IPO13: variants seen among roughly 807,000 people sequenced by gnomAD.
The protein encoded by IPO13 is importin 13.
Under a neutral mutation model 115.5 loss-of-function variants are expected in IPO13, and 28 were observed. The ratio of observed to expected loss-of-function variants is 0.24; its 90% CI spans 0.18 to 0.33. The LOEUF (loss-of-function observed/expected upper bound fraction) is 0.33, where lower values mean the gene tolerates loss of function less well. Among genes scored for constraint, IPO13 ranks in the 10% least tolerant of loss-of-function variants. The probability of loss-of-function intolerance (pLI) is 1.00; values close to 1 mark genes in which losing one functional copy is unlikely to be tolerated. For synonymous variants in IPO13, 414 were observed against 478.9 expected, an observed-to-expected ratio of 0.86 and a Z score of 1.77; for missense variants, 785 against 1,204.6, an observed-to-expected ratio of 0.65 and a Z score of 5.16.
chr1:43,967,165 T>G lies in IPO13; in HGVS notation c.2613+146T>G, dbSNP rs2085331457. The G allele has an allele frequency of 5.5e-6, 6 of 1,094,254 alleles. No homozygotes were observed. Among genetic ancestry groups the G allele is most frequent in the Non-Finnish European group, 6.9e-6 (5 of 729,326 alleles). The allele number at this position is 1,094,254 out of a possible 1,614,324, so 67.8% of individuals were successfully genotyped here. The stretch of plus-strand genomic sequence containing the variant: ...TTAAATGCCTGAAAGTTGTTAGGAT[T>G]GCTGTGGGGATCAGCTGGCTCTCAA... On this transcript the variant is annotated intron_variant, in intron 18 of 19. Transcript: ENST00000372343. This position sits in a 1 kb window ranked among gnomAD's most constrained non-coding sequence, Gnocchi z 6.1.
chr1:43,967,844 AC>A lies in IPO13; in HGVS notation c.*165del. The A allele has an allele frequency of 2.9e-6, 2 of 682,808 alleles. No homozygotes were observed. Among genetic ancestry groups the A allele is most frequent in the Non-Finnish European group, 2.5e-6 (1 of 393,870 alleles). 42.3% of individuals were successfully genotyped at this position (682,808 alleles called of 1,614,324 possible). A position where few individuals can be genotyped will look rare whatever the true frequency, so the allele number is the denominator to read the frequency against. On this transcript the variant is annotated 3_prime_UTR_variant, in exon 20 of 20. Transcript: ENST00000372343. The surrounding 1 kb of genome is among the most constrained non-coding windows in gnomAD (Gnocchi z 6.1). ...GGGGGAAGGATGGGAGGATGCTTGG[AC>A]CCAGGCCTTGGGAGGGAATGGTGGG...
rs2085251952 is a variant in IPO13, at chr1:43,956,698, G to A, written c.1101G>A (p.Leu367=). 1.2e-6 allele frequency: 2 copies of A among 1,614,110 alleles called. No homozygotes were observed. The highest frequency in any genetic ancestry group is 1.7e-6 in the Non-Finnish European group (2 of 1,180,032). ...SSLTLTFWYT[L]QDDILSFEAE... The stretch of plus-strand genomic sequence containing the variant: ...TAACCCTCACCTTCTGGTACACACT[G>A]CAGGTGTGTCTGTGTGACCTCCAGT... The change falls in exon 4 of 20, where the codon CTG becomes CTA. Residue 367 remains leucine (L), a synonymous_variant. Transcript: ENST00000372343. This position sits in a 1 kb window ranked among gnomAD's most constrained non-coding sequence, Gnocchi z 4.7.
chr1:43,948,245 G>A (rs1405743824), intron 1 of IPO13, among the ~76,000 whole-genome samples: 1 of 151,842 alleles, frequency 6.6e-6, no homozygotes, highest in South Asian at 2.1e-4. Flanking sequence ...GGCCCTGCTG[G>A]GAGCCTTACA....
intron 7 of IPO13, 110 bp downstream of exon 7, chr1:43,957,659 C>A: frequency 1.5e-6 from 2 of 1,335,578 alleles, no homozygotes; most frequent in Non-Finnish European, 2.1e-6. Context: ...CATGCCTACA[C>A]ACAATCAGTG....
Position 43,964,295 on chromosome 1 carries a change from G to C in IPO13, c.2371G>C (p.Asp791His). The C allele has an allele frequency of 6.2e-7, 1 of 1,610,632 alleles. No individual in the cohort carries two copies. Among genetic ancestry groups the C allele is most frequent in the East Asian group, 2.2e-5 (1 of 44,852 alleles). Residue 791 changes from aspartate (D) to histidine (H), a missense_variant, in exon 15 of 20, where the codon GAT becomes CAT. By Grantham distance (81) the Asp-to-His change is moderately conservative. Around this residue, in one of 3 missense-constraint regions of IPO13, gnomAD observed 285 missense variants for 394.8 expected, o/e 0.72. Coordinates refer to ENST00000372343, the MANE Select transcript of IPO13 (RefSeq NM_014652.4). ...GCCCAGGGATCATCCTGATATTGTT[G>C]ATTCATTTATGCAACTCCTGGCACA... ...QGPRDHPDIVDSFMQLLAQAL... is the reference protein window; with the variant it reads ...QGPRDHPDIVHSFMQLLAQAL...
At position 43,963,474 on chromosome 1, in the gene IPO13, C is replaced by T. The variant is rs920825368; in HGVS notation, c.2345-795C>T. Among the ~76,000 whole-genome samples, 2 of 152,208 alleles carry T rather than the reference C, an allele frequency of 1.3e-5. 1 individual carries two copies. The highest frequency in any genetic ancestry group is 4.8e-5 in the African/African-American group (2 of 41,450). On this transcript the variant is annotated intron_variant, in intron 14 of 19. Transcript: ENST00000372343. ...CATAGGATGACATGTTTCTTGTTTC[C>T]CTGTTTCTTGGCATGTCCAGATGAT...
Position 43,958,388 on chromosome 1 carries a change from C to G in IPO13, c.1750-73C>G, listed in dbSNP as rs985778067. 5.0e-5 allele frequency: 81 copies of G among 1,610,200 alleles called. No homozygotes were observed. The Admixed American group carries it at 1.3e-3, about 26-fold the overall frequency. ...CCCTTATTCTCTGTTTTTCTTCTCCCAAGAGGCTCATTTTCCTTCCTACCC... is the reference window on the plus strand; with the variant it reads ...CCCTTATTCTCTGTTTTTCTTCTCCGAAGAGGCTCATTTTCCTTCCTACCC... On this transcript the variant is annotated intron_variant, in intron 9 of 19. Coordinates refer to ENST00000372343, the MANE Select transcript of IPO13 (RefSeq NM_014652.4). This position sits in a 1 kb window ranked among gnomAD's most constrained non-coding sequence, Gnocchi z 6.3.
chr1:43,955,391 G>A (rs944735579), intron 2 of IPO13, among the ~76,000 whole-genome samples: 1 of 152,174 alleles, frequency 6.6e-6, no homozygotes, highest in Non-Finnish European at 1.5e-5. Context: ...CACAAACTAG[G>A]TGGCTTTAAA....
rs1452140122 is a variant in IPO13 at position 43,947,471 on chromosome 1, C to T, written c.-130C>T. 4.2e-6 allele frequency: 2 copies of T among 472,648 alleles called. No homozygotes were observed. Among genetic ancestry groups the T allele is most frequent in the Non-Finnish European group, 6.8e-6 (2 of 292,142 alleles). 29.3% of individuals were successfully genotyped at this position (472,648 alleles called of 1,614,324 possible). A position where few individuals can be genotyped will look rare whatever the true frequency, so the allele number is the denominator to read the frequency against. ...GGTGGGGAGGCCTCGGCAGCCATGC[C>T]CGCCCTGGGCCCCCCCTCACCCCAC... On this transcript the variant is annotated 5_prime_UTR_variant, in exon 1 of 20. Coordinates refer to ENST00000372343, the MANE Select transcript of IPO13 (RefSeq NM_014652.4).
rs16831490 is a variant in IPO13, at chr1:43,958,259, G to A, written c.1740G>A (p.Gln580=). The A allele has an allele frequency of 7.9e-4, 1,273 of 1,614,184 alleles. 19 individuals are homozygous for A. In the African/African-American group the frequency reaches 0.016, roughly 20 times the overall value. The change falls in exon 9 of 20, where the codon CAG becomes CAA. Residue 580 remains glutamine, a synonymous_variant. Transcript: ENST00000372343. This position sits in a 1 kb window ranked among gnomAD's most constrained non-coding sequence, Gnocchi z 6.3. Reference sequence around the variant, plus strand: ...CCCCTCAGGATGTGCTGATGAAACAGATCCACAAGGTGCGGCTCAAAAGTT... The same window carrying A: ...CCCCTCAGGATGTGCTGATGAAACAAATCCACAAGGTGCGGCTCAAAAGTT... ...VAVSQDVLMK[Q]IHKTSQCMWL...
intron 14 of IPO13, among the ~76,000 whole-genome samples, chr1:43,962,662 C>T (rs756762967): frequency 3.9e-5 from 6 of 152,342 alleles, no homozygotes; most frequent in Middle Eastern, 3.4e-3. Context: ...ATGCCCTTTA[C>T]TGGGTGAACT....
At chr1:43,948,680 G>T (rs1422948759) in intron 1 of IPO13, among the ~76,000 whole-genome samples, 1 of 152,246 alleles carries the variant, frequency 6.6e-6, no homozygotes, top group Non-Finnish European at 1.5e-5. Flanking sequence ...GTGGCGCACT[G>T]TTCCATGTGC....
chr1:43,950,889 A>G (rs2085204551), intron 2 of IPO13, among the ~76,000 whole-genome samples: 1 of 152,196 alleles, frequency 6.6e-6, no homozygotes, highest in Admixed American at 6.5e-5. Flanking sequence ...CAGAGCTCCC[A>G]GTATTTTTCC....
chr1:43,947,537 G>A lies in IPO13; in HGVS notation c.-64G>A. The A allele has an allele frequency of 2.0e-6, 2 of 984,544 alleles. No homozygotes were observed. The highest frequency in any genetic ancestry group is 2.7e-6 in the Non-Finnish European group (2 of 751,624). 61.0% of individuals were successfully genotyped at this position (984,544 alleles called of 1,614,324 possible). A position where few individuals can be genotyped will look rare whatever the true frequency, so the allele number is the denominator to read the frequency against. ...CAAGCCGGGGTCTAGCAGGGGGCCA[G>A]CAGCCAAGGGGCTGGGGCAGGAGAC... On this transcript the variant is annotated 5_prime_UTR_variant, in exon 1 of 20. Transcript: ENST00000372343.
Position 43,967,372 on chromosome 1 carries a change from G to T in IPO13, c.2671G>T (p.Ala891Ser), listed in dbSNP as rs772498559. 45 of 1,614,102 alleles carry T rather than the reference G, an allele frequency of 2.8e-5. No homozygotes were observed. The highest frequency in any genetic ancestry group is 1.1e-4 in the East Asian group (5 of 44,878). The change falls in exon 19 of 20, where the codon GCC becomes TCC. Residue 891 changes from alanine to serine, a missense_variant. Coordinates refer to ENST00000372343, the MANE Select transcript of IPO13 (RefSeq NM_014652.4). The surrounding 1 kb of genome is among the most constrained non-coding windows in gnomAD (Gnocchi z 6.1). The stretch of plus-strand genomic sequence containing the variant: ...GGACTGCTTTGCCGATATCCTGTTC[G>T]CCCTGAACAAGCACTGCTTCAGCCT... Reference protein sequence around the residue: ...LMDCFADILFALNKHCFSLLS... With the variant: ...LMDCFADILFSLNKHCFSLLS...
intron 2 of IPO13, among the ~76,000 whole-genome samples, chr1:43,955,605 C>G (rs1254707244): frequency 6.6e-6 from 1 of 152,164 alleles, no homozygotes; most frequent in Non-Finnish European, 1.5e-5. Context: ...GTGGCATTCT[C>G]CCTGTATGTC....
chr1:43,966,522 G>C lies in IPO13; in HGVS notation c.2398-53G>C, dbSNP rs757794928. 3 of 1,577,032 alleles carry C rather than the reference G, an allele frequency of 1.9e-6. No individual in the cohort carries two copies. Among genetic ancestry groups the C allele is most frequent in the African/African-American group, 1.4e-5 (1 of 74,038 alleles). ...GGCTGGGGTGGCAGGTGAGTGGGGG[G>C]GATGGTCCTTGGAGCTGGCTGGGGC... On this transcript the variant is annotated intron_variant, in intron 15 of 19. Coordinates refer to ENST00000372343, the MANE Select transcript of IPO13 (RefSeq NM_014652.4). This position sits in a 1 kb window ranked among gnomAD's most constrained non-coding sequence, Gnocchi z 4.1.
chr1:43,967,050 G>A lies in IPO13; in HGVS notation c.2613+31G>A, dbSNP rs1373110723. On this transcript the variant is annotated intron_variant, in intron 18 of 19. Transcript: ENST00000372343. The surrounding 1 kb of genome is among the most constrained non-coding windows in gnomAD (Gnocchi z 6.1). ...ACGGAGCAAAGGGGGGTTTGATGGGGGTGAGGGCCCCTCACTGCTGAGGCA... is the reference window on the plus strand; with the variant it reads ...ACGGAGCAAAGGGGGGTTTGATGGGAGTGAGGGCCCCTCACTGCTGAGGCA... 3 of 1,594,626 alleles carry A rather than the reference G, an allele frequency of 1.9e-6. No homozygotes were observed. Among genetic ancestry groups the A allele is most frequent in the Non-Finnish European group, 2.6e-6 (3 of 1,162,716 alleles).
intron 2 of IPO13, among the ~76,000 whole-genome samples, chr1:43,951,768 A>C (rs1293336186): frequency 1.3e-5 from 2 of 152,144 alleles, no homozygotes; most frequent in Non-Finnish European, 2.9e-5. Flanking sequence ...GGAAGGGAAA[A>C]CCATTGAAAG....
Sources: gnomAD v4.1 joint callset for allele counts (sites outside exome capture counted in the v4.1 genomes callset) on GRCh38, gnomAD v4.1.1 for gene constraint, gnomAD v4.1.1 regional missense constraint, Gnocchi (gnomAD v3.1) non-coding constraint, MANE v1.5 for transcripts, NCBI Gene and HGNC (gene_info 2026-07-23, HGNC 2026-07-21) for gene names.